Variants in WWOX observed in about 807,000 individuals in gnomAD.
WWOX encodes WW domain containing oxidoreductase.
WWOX carries 69 observed loss-of-function variants against 46.2 expected under a neutral mutation model. That is an observed-to-expected ratio of 1.49 (90% CI 1.23 to 1.82). WWOX has a LOEUF of 1.82. Among genes scored for constraint, WWOX ranks in the 40% most tolerant of loss-of-function variants. WWOX has a pLI of 0.00. For missense variants in WWOX, 919 were observed against 542.6 expected, an observed-to-expected ratio of 1.69 and a Z score of -6.89; for synonymous variants, 359 against 202.6, an observed-to-expected ratio of 1.77 and a Z score of -6.56.
intron 8 of WWOX, among the ~76,000 whole-genome samples, chr16:78,585,605 T>C (rs895386233): frequency 2.0e-5 from 3 of 152,084 alleles, no homozygotes; most frequent in Non-Finnish European, 4.4e-5. Context: ...CAGCCAGCAC[T>C]CCTTCTCAAG....
At chr16:78,925,369 C>T (rs1361364435) in intron 8 of WWOX, among the ~76,000 whole-genome samples, 1 of 152,166 alleles carries the variant, frequency 6.6e-6, no homozygotes, top group Non-Finnish European at 1.5e-5. Context: ...GAGATCCACC[C>T]TTCTCAGTTA....
At chr16:78,458,666 AAATT>A (rs10550137) in intron 8 of WWOX, among the ~76,000 whole-genome samples, 8,301 of 152,264 alleles carry the variant, frequency 0.055, 622 homozygotes, top group African/African-American at 0.17. Context: ...AAAAGAATAT[AAATT>A]AATTTTTTAG....
intron 8 of WWOX, among the ~76,000 whole-genome samples, chr16:78,818,935 C>G (rs370106666): frequency 6.6e-6 from 1 of 152,154 alleles, no homozygotes; most frequent in South Asian, 2.1e-4. Flanking sequence ...TAGACTTGCA[C>G]CCTGATTTCT....
chr16:78,422,700 C>CATATATATATACACACACACACAT (rs2082966557), intron 6 of WWOX, among the ~76,000 whole-genome samples: 3 of 40,410 alleles, frequency 7.4e-5, no homozygotes, highest in South Asian at 1.0e-3. Context: ...CACACACACA[C>CATATATATATACACACACACACAT]ATATATATAT....
intron 8 of WWOX, among the ~76,000 whole-genome samples, chr16:79,187,015 G>C (rs748641582): frequency 6.6e-6 from 1 of 152,084 alleles, no homozygotes; most frequent in African/African-American, 2.4e-5. Flanking sequence ...AATATAAATT[G>C]TGCAGTAAAA....
At chr16:78,658,910 G>C (rs1180692247) in intron 8 of WWOX, among the ~76,000 whole-genome samples, 1 of 127,154 alleles carries the variant, frequency 7.9e-6, no homozygotes, top group South Asian at 2.6e-4. Flanking sequence ...TGGCCAAAAT[G>C]GCAAAACCCC....
chr16:78,894,479 A>G (rs937301696), intron 8 of WWOX, among the ~76,000 whole-genome samples: 21 of 152,198 alleles, frequency 1.4e-4, no homozygotes, highest in African/African-American at 5.1e-4. Flanking sequence ...CAGCCTCTCT[A>G]CTGGTTGGAA....
intron 8 of WWOX, among the ~76,000 whole-genome samples, chr16:78,489,460 G>A (rs976264771): frequency 1.3e-5 from 2 of 152,052 alleles, no homozygotes; most frequent in Non-Finnish European, 2.9e-5. Context: ...AAAACAGCAG[G>A]GACATTCGTG....
intron 8 of WWOX, among the ~76,000 whole-genome samples, chr16:79,100,656 G>C (rs1449397459): frequency 2.0e-5 from 3 of 152,226 alleles, no homozygotes; most frequent in Middle Eastern, 3.4e-3. Flanking sequence ...TGCATGTTCT[G>C]ACAGTTTAAT....
chr16:78,996,015 A>ACATTTT (rs2046981122), intron 8 of WWOX, among the ~76,000 whole-genome samples: 1 of 152,224 alleles, frequency 6.6e-6, no homozygotes, highest in Non-Finnish European at 1.5e-5. Flanking sequence ...TGAATGAAAT[A>ACATTTT]CATTTTCATT....
At position 78,354,700 on chromosome 16, in the gene WWOX, A is replaced by C. The variant is rs1467414120; in HGVS notation, c.517-32160A>C. Among the ~76,000 whole-genome samples, 3 of 86,280 alleles carry C rather than the reference A, an allele frequency of 3.5e-5. No homozygotes were observed. The East Asian group carries it at 6.2e-4, about 18-fold the overall frequency. The allele number at this position is 86,280 out of a possible 152,430, so 56.6% of individuals were successfully genotyped here. On this transcript the variant is annotated intron_variant, in intron 5 of 8. Coordinates refer to ENST00000566780, the MANE Select transcript of WWOX (RefSeq NM_016373.4). ...TTCAATGTAAGAATATTCTTAAACT[A>C]GGTAAACTGTTTTGTTTGTCATTAT...
intron 8 of WWOX, among the ~76,000 whole-genome samples, chr16:79,131,001 A>G (rs924989831): frequency 2.0e-5 from 3 of 152,166 alleles, no homozygotes; most frequent in Admixed American, 2.0e-4. Context: ...ACATTGACAT[A>G]ATCCTTTTTT....
intron 8 of WWOX, among the ~76,000 whole-genome samples, chr16:78,798,319 A>G (rs948834094): frequency 4.6e-5 from 7 of 152,198 alleles, no homozygotes; most frequent in African/African-American, 1.4e-4. Context: ...GAGAGAAAAA[A>G]AAAGAAAAAA....
chr16:78,152,929 G>A, intron 4 of WWOX, among the ~76,000 whole-genome samples: 1 of 152,010 alleles, frequency 6.6e-6, no homozygotes, highest in South Asian at 2.1e-4. Flanking sequence ...TATTTGAGAT[G>A]TATTTATGTT....
chr16:78,517,640 A>C (rs1462902536), intron 8 of WWOX, among the ~76,000 whole-genome samples: 2 of 152,054 alleles, frequency 1.3e-5, no homozygotes, highest in Non-Finnish European at 2.9e-5. Context: ...AAAAGTCCTC[A>C]GCGCTCCCCG....
chr16:79,091,102 T>G (rs1296241503), intron 8 of WWOX, among the ~76,000 whole-genome samples: 1 of 152,160 alleles, frequency 6.6e-6, no homozygotes, highest in Non-Finnish European at 1.5e-5. Flanking sequence ...AAGACTGGAT[T>G]TTACCCTGAT....
intron 5 of WWOX, among the ~76,000 whole-genome samples, chr16:78,259,855 A>T (rs2038231361): frequency 6.6e-6 from 1 of 151,422 alleles, no homozygotes; most frequent in African/African-American, 2.4e-5. Flanking sequence ...AAATTTATGT[A>T]CAGTGATGTT....
chr16:78,827,915 C>T (rs1291421420), intron 8 of WWOX, among the ~76,000 whole-genome samples: 1 of 152,156 alleles, frequency 6.6e-6, no homozygotes, highest in Non-Finnish European at 1.5e-5. Flanking sequence ...AGGCACTGCA[C>T]CTCCTCATTA....
chr16:78,817,553 C>T (rs1315543516), intron 8 of WWOX, among the ~76,000 whole-genome samples: 4 of 152,174 alleles, frequency 2.6e-5, no homozygotes, highest in Admixed American at 6.5e-5. Flanking sequence ...TCAAAATTCA[C>T]GAACCCATGC....
Sources: gnomAD v4.1 joint callset for allele counts (sites outside exome capture counted in the v4.1 genomes callset) on GRCh38, gnomAD v4.1.1 for gene constraint, MANE v1.5 for transcripts, NCBI Gene and HGNC (gene_info 2026-07-23, HGNC 2026-07-21) for gene names.